ZPBP: variants seen among roughly 807,000 people sequenced by gnomAD.
ZPBP encodes the protein zona pellucida binding protein, also known as zona pellucida-binding protein 1.
ZPBP carries 26 observed loss-of-function variants against 44.8 expected under a neutral mutation model. The observed-to-expected ratio is 0.58, with a 90% CI of 0.43 to 0.81. The LOEUF (loss-of-function observed/expected upper bound fraction) is 0.81, where lower values mean the gene tolerates loss of function less well. Among genes scored for constraint, ZPBP ranks in the 30% least tolerant of loss-of-function variants. ZPBP has a pLI of 0.00. For synonymous variants in ZPBP, 174 were observed against 153.2 expected (o/e 1.14, Z -1.00); for missense variants, 409 against 434.0 (o/e 0.94, Z 0.51).
intron 6 of ZPBP, among the ~76,000 whole-genome samples, chr7:49,984,562 G>A (rs1437425292): frequency 6.6e-6 from 1 of 152,140 alleles, no homozygotes; most frequent in Non-Finnish European, 1.5e-5. Flanking sequence ...TAAGGAGCGT[G>A]CCACCTAGAT....
chr7:50,072,243 T>C (rs1801876227), intron 3 of ZPBP, among the ~76,000 whole-genome samples: 1 of 152,146 alleles, frequency 6.6e-6, no homozygotes, highest in African/African-American at 2.4e-5. Flanking sequence ...TGGTGGTGGC[T>C]ATCAGGTGAG....
At chr7:50,026,429 T>C (rs984499442) in intron 5 of ZPBP, among the ~76,000 whole-genome samples, 1 of 151,718 alleles carries the variant, frequency 6.6e-6, no homozygotes, top group African/African-American at 2.4e-5. Flanking sequence ...ACTAGATCTA[T>C]ACAATATACA....
chr7:49,990,431 C>T (rs1207793332), intron 6 of ZPBP, among the ~76,000 whole-genome samples: 2 of 152,266 alleles, frequency 1.3e-5, no homozygotes, highest in Non-Finnish European at 2.9e-5. Flanking sequence ...CTCACTTTCT[C>T]GTCCTCATAT....
intron 4 of ZPBP, among the ~76,000 whole-genome samples, chr7:50,046,388 A>C (rs2128821240): frequency 6.6e-6 from 1 of 152,308 alleles, no homozygotes; most frequent in East Asian, 1.9e-4. Flanking sequence ...AAATTTTTGC[A>C]ATCTATCCAT....
intron 4 of ZPBP, among the ~76,000 whole-genome samples, chr7:50,054,197 GAAAAC>G (rs974240132): frequency 6.6e-6 from 1 of 151,170 alleles, no homozygotes; most frequent in Non-Finnish European, 1.5e-5. Context: ...CAATCTCTTA[GAAAAC>G]AAAACAAAAC....
chr7:49,980,466 G>A (rs1796797854), intron 7 of ZPBP, among the ~76,000 whole-genome samples: 1 of 151,126 alleles, frequency 6.6e-6, no homozygotes, highest in African/African-American at 2.4e-5. Flanking sequence ...AGCCTGGATA[G>A]TTTATAAAGG....
At chr7:49,931,866 T>C (rs1794458595) in intron 1 of ZPBP, among the ~76,000 whole-genome samples, 2 of 152,242 alleles carry the variant, frequency 1.3e-5, no homozygotes, top group African/African-American at 2.4e-5. Context: ...CTCTGCAGCC[T>C]AGGGCCATGG....
chr7:49,966,093 A>G (rs962934331), intron 7 of ZPBP, among the ~76,000 whole-genome samples: 1 of 152,130 alleles, frequency 6.6e-6, no homozygotes, highest in Non-Finnish European at 1.5e-5. Context: ...CCATTTATAT[A>G]CTTAATAACA....
chr7:50,053,682 C>A (rs1800797712), intron 4 of ZPBP, among the ~76,000 whole-genome samples: 1 of 152,132 alleles, frequency 6.6e-6, no homozygotes. Flanking sequence ...TGCTCTGTAA[C>A]ATCTTTAGAG....
At chr7:49,854,436 T>C (rs1423986398) in intron 2 of ZPBP, among the ~76,000 whole-genome samples, 1 of 152,112 alleles carries the variant, frequency 6.6e-6, no homozygotes, top group Non-Finnish European at 1.5e-5. Context: ...CTCATTGTGG[T>C]TTTGATTTGC....
intron 2 of ZPBP, among the ~76,000 whole-genome samples, chr7:49,880,467 A>AT (rs1405678183): frequency 2.0e-5 from 3 of 151,670 alleles, no homozygotes; most frequent in Non-Finnish European, 4.4e-5. Context: ...TTGTGGGAAG[A>AT]TTTTTTATTA....
At chr7:49,971,996 A>C (rs1796320426) in intron 7 of ZPBP, among the ~76,000 whole-genome samples, 1 of 152,054 alleles carries the variant, frequency 6.6e-6, no homozygotes, top group African/African-American at 2.4e-5. Context: ...AAAAACTACA[A>C]GCTCATGTCA....
At chr7:49,951,764 T>C (rs1795355377) in intron 7 of ZPBP, among the ~76,000 whole-genome samples, 1 of 151,672 alleles carries the variant, frequency 6.6e-6, no homozygotes, top group African/African-American at 2.4e-5. Context: ...AATGGGCACT[T>C]AAGTATATAC....
downstream of ZPBP, among the ~76,000 whole-genome samples, chr7:49,848,773 C>T (rs1444628994): frequency 6.6e-6 from 1 of 152,168 alleles, no homozygotes; most frequent in Admixed American, 6.5e-5. Context: ...ATTTTGGTAA[C>T]TGTTCTTTGG....
chr7:49,877,477 AAAAAAT>A (rs1230458374), intron 2 of ZPBP, among the ~76,000 whole-genome samples: 88 of 17,256 alleles, frequency 5.1e-3, no homozygotes, highest in African/African-American at 6.6e-3. Flanking sequence ...AAAAAAAAAA[AAAAAAT>A]ATATATATAT....
intron 3 of ZPBP, among the ~76,000 whole-genome samples, chr7:50,077,486 A>C (rs1177238125): frequency 6.6e-6 from 1 of 151,902 alleles, no homozygotes; most frequent in Non-Finnish European, 1.5e-5. Context: ...AAATATATGC[A>C]AACTACCCCC....
rs199655218 is a variant in ZPBP at position 50,090,662 on chromosome 7, C to CAT, written c.128-955_128-954dup. On this transcript the variant is annotated intron_variant, in intron 1 of 7. Transcript: ENST00000046087. ...ACACACACATGCACACACACACACA[C>CAT]ATATATATATACACATATACCATAC... Among the ~76,000 whole-genome samples, 461 of 150,594 alleles carry CAT rather than the reference C, an allele frequency of 3.1e-3. 2 individuals carry two copies. The highest frequency in any genetic ancestry group is 0.014 in the Middle Eastern group (4 of 292).
At chr7:49,861,130 G>A (rs932197436) in intron 2 of ZPBP, among the ~76,000 whole-genome samples, 2 of 152,134 alleles carry the variant, frequency 1.3e-5, no homozygotes, top group African/African-American at 4.8e-5. Context: ...CAATTTACAA[G>A]CATTACAATT....
At chr7:50,036,266 G>A (rs1456180327) in intron 4 of ZPBP, among the ~76,000 whole-genome samples, 2 of 152,140 alleles carry the variant, frequency 1.3e-5, no homozygotes, top group Non-Finnish European at 2.9e-5. Context: ...CAATTCTCCT[G>A]CCTAAGCCTC....
Sources: gnomAD v4.1 joint callset for allele counts (sites outside exome capture counted in the v4.1 genomes callset) on GRCh38, gnomAD v4.1.1 for gene constraint, MANE v1.5 for transcripts, NCBI Gene and HGNC (gene_info 2026-07-23, HGNC 2026-07-21) for gene names.